Variants in ZNF684 observed in about 807,000 individuals in gnomAD.
ZNF684 encodes the protein hypothetical protein MGC27466.
Under a neutral mutation model 12.8 loss-of-function variants are expected in ZNF684, and 13 were observed. That is an observed-to-expected ratio of 1.02 (90% CI 0.66 to 1.62). ZNF684 has a LOEUF of 1.62. Ranked by LOEUF, ZNF684 falls within the 40% of genes most tolerant of loss-of-function variation. The probability of loss-of-function intolerance (pLI) is 0.00; values close to 1 mark genes in which losing one functional copy is unlikely to be tolerated. For synonymous variants in ZNF684, 118 were observed against 151.8 expected (o/e 0.78, Z 1.64); for missense variants, 384 against 446.9 (o/e 0.86, Z 1.27).
rs1032641138 is a variant in ZNF684, at chr1:40,547,638, T to C, written c.*178T>C. ...GATAATAAACTTTTTACAGAAAATA[T>C]GACAGAAAACAACTATAAATAATAG... is the stretch of plus-strand genomic sequence containing the variant. On this transcript the variant is annotated 3_prime_UTR_variant, in exon 5 of 5. Coordinates refer to ENST00000372699, the MANE Select transcript of ZNF684 (RefSeq NM_152373.4). 2 of 520,530 alleles carry C rather than the reference T, an allele frequency of 3.8e-6. No homozygotes were observed. The highest frequency in any genetic ancestry group is 6.3e-6 in the Non-Finnish European group (2 of 315,706). 32.2% of individuals were successfully genotyped at this position (520,530 alleles called of 1,614,324 possible).
chr1:40,539,592 G>A (rs973475960), intron 2 of ZNF684, among the ~76,000 whole-genome samples: 3 of 151,986 alleles, frequency 2.0e-5, no homozygotes, highest in Non-Finnish European at 1.5e-5. Context: ...CAAGAGTTTC[G>A]GTTTCTCCAC....
intron 2 of ZNF684, among the ~76,000 whole-genome samples, chr1:40,536,282 T>C (rs1289315255): frequency 6.6e-6 from 1 of 151,018 alleles, no homozygotes; most frequent in East Asian, 2.0e-4. Context: ...TAGTCCCAGC[T>C]ACTCAGTAGG....
chr1:40,537,821 C>T (rs553923491), intron 2 of ZNF684, among the ~76,000 whole-genome samples: 1 of 152,266 alleles, frequency 6.6e-6, no homozygotes, highest in Non-Finnish European at 1.5e-5. Context: ...TCACCACTAT[C>T]TAATTTCAGA....
intron 1 of ZNF684, 71 bp downstream of exon 1, chr1:40,531,858 G>T (rs998372904): frequency 6.6e-6 from 1 of 152,252 alleles, no homozygotes; most frequent in African/African-American, 2.4e-5. Context: ...CCCTACCGAA[G>T]ATAAAACTTT....
chr1:40,540,012 C>T (rs1009111671), intron 2 of ZNF684, among the ~76,000 whole-genome samples: 1 of 152,096 alleles, frequency 6.6e-6, no homozygotes, highest in Non-Finnish European at 1.5e-5. Context: ...ATACAAGCCT[C>T]TTATCAGATA....
intron 2 of ZNF684, among the ~76,000 whole-genome samples, chr1:40,537,891 C>T (rs146636400): frequency 3.9e-5 from 6 of 152,328 alleles, no homozygotes; most frequent in Admixed American, 6.5e-5. Flanking sequence ...ACTCATTCCT[C>T]CCTTTCCCTA....
chr1:40,534,853 C>T (rs1007430320), intron 2 of ZNF684, among the ~76,000 whole-genome samples: 1 of 151,888 alleles, frequency 6.6e-6, no homozygotes, highest in Non-Finnish European at 1.5e-5. Flanking sequence ...ATTAGCATGG[C>T]ATGATGGCAC....
chr1:40,533,927 G>A (rs964306551), intron 2 of ZNF684, among the ~76,000 whole-genome samples: 3 of 149,848 alleles, frequency 2.0e-5, no homozygotes, highest in African/African-American at 4.9e-5. Flanking sequence ...AGGTTCAAGC[G>A]ATTCTCCTGC....
At chr1:40,537,758 C>T (rs1645993362) in intron 2 of ZNF684, among the ~76,000 whole-genome samples, 1 of 151,936 alleles carries the variant, frequency 6.6e-6, no homozygotes, top group Non-Finnish European at 1.5e-5. Context: ...AAAAAAATAA[C>T]AATTGTATAC....
intron 4 of ZNF684, 92 bp from the exon 5 acceptor site, chr1:40,546,470 T>C: frequency 8.1e-7 from 1 of 1,241,348 alleles, no homozygotes; most frequent in South Asian, 1.8e-5. Flanking sequence ...TCTTTCAGAA[T>C]GAGATACTGT....
Position 40,546,875 on chromosome 1 carries a change from A to G in ZNF684, c.552A>G (p.Lys184=), listed in dbSNP as rs1387249388. 1 of 1,613,678 alleles carries G rather than the reference A, an allele frequency of 6.2e-7. No individual in the cohort carries two copies. Among genetic ancestry groups the G allele is most frequent in the Non-Finnish European group, 8.5e-7 (1 of 1,179,922 alleles). Residue 184 remains lysine (K), a synonymous_variant, in exon 5 of 5, where the codon AAA becomes AAG. Transcript: ENST00000372699. ...FIRHEKNHTR[K]KPFECNDCGK... The stretch of plus-strand genomic sequence containing the variant: ...GACATGAAAAAAATCATACAAGGAA[A>G]AAACCTTTTGAATGCAATGACTGTG...
At chr1:40,541,481 C>G (rs1646016033) in intron 3 of ZNF684, 134 bp from the exon 4 acceptor site, 2 of 653,966 alleles carry the variant, frequency 3.1e-6, no homozygotes, top group Non-Finnish European at 5.4e-6. Flanking sequence ...CCGCGCCCAG[C>G]CTGGGTCTGT....
chr1:40,535,111 T>C (rs2124506695), intron 2 of ZNF684, among the ~76,000 whole-genome samples: 1 of 152,376 alleles, frequency 6.6e-6, no homozygotes, highest in East Asian at 1.9e-4. Flanking sequence ...ACATTCCAAA[T>C]GGAGTTTTAT....
At chr1:40,536,765 T>C (rs1645987987) in intron 2 of ZNF684, among the ~76,000 whole-genome samples, 1 of 149,878 alleles carries the variant, frequency 6.7e-6, no homozygotes, top group South Asian at 2.1e-4. Context: ...TATGCAGTGT[T>C]TGGTTTTTTG....
At chr1:40,539,925 T>C (rs904255755) in intron 2 of ZNF684, among the ~76,000 whole-genome samples, 1 of 151,876 alleles carries the variant, frequency 6.6e-6, no homozygotes, top group Non-Finnish European at 1.5e-5. Context: ...ATTTTTAAAT[T>C]GTGTTGTCTG....
intron 4 of ZNF684, among the ~76,000 whole-genome samples, chr1:40,543,497 C>A (rs971048413): frequency 7.3e-5 from 11 of 150,150 alleles, no homozygotes; most frequent in Non-Finnish European, 1.3e-4. Flanking sequence ...TGCTCTGTTG[C>A]CCAGGCTGGA....
intron 2 of ZNF684, among the ~76,000 whole-genome samples, chr1:40,537,484 A>G (rs1047716072): frequency 6.6e-6 from 1 of 152,236 alleles, no homozygotes; most frequent in Non-Finnish European, 1.5e-5. Context: ...TCATACCTGT[A>G]ATCCCATCAC....
At position 40,531,706 on chromosome 1, in the gene ZNF684, T is replaced by A. The variant is rs1645959166; in HGVS notation, c.-106T>A. 6.6e-6 allele frequency: 1 copy of A among 152,404 alleles called. No individual in the cohort carries two copies. The highest frequency in any genetic ancestry group is 2.1e-4 in the South Asian group (1 of 4,828). The allele number at this position is 152,404 out of a possible 1,614,324, so 9.4% of individuals were successfully genotyped here. ...CGCCGCGGGAAGTGCGGGCGGGTGT[T>A]GCTCCCCTGTCTCTGGACGACGCTG... On this transcript the variant is annotated 5_prime_UTR_variant, in exon 1 of 5. Transcript: ENST00000372699.
chr1:40,534,935 G>A (rs1184857389), intron 2 of ZNF684, among the ~76,000 whole-genome samples: 1 of 152,148 alleles, frequency 6.6e-6, no homozygotes, highest in Admixed American at 6.5e-5. Context: ...CAAGGCTATA[G>A]CTAGCTATGG....
Sources: allele counts gnomAD v4.1 joint callset (sites outside exome capture counted in the v4.1 genomes callset), GRCh38; gene constraint gnomAD v4.1.1; transcripts MANE v1.5; gene names NCBI Gene and HGNC (gene_info 2026-07-23, HGNC 2026-07-21).